Variants in LMBRD1 observed in about 807,000 individuals in gnomAD.
The protein encoded by LMBRD1 is LMBR1 domain containing 1, also known as lysosomal cobalamin transport escort protein LMBD1.
In LMBRD1, 64 loss-of-function variants were observed where a neutral mutation model predicts 74.8. The ratio of observed to expected loss-of-function variants is 0.86; its 90% confidence interval spans 0.70 to 1.05. The LOEUF is 1.05. Ranked by LOEUF, LMBRD1 falls within the 50% of genes least tolerant of loss-of-function variation. The probability of loss-of-function intolerance (pLI) is 0.00; values close to 1 mark genes in which losing one functional copy is unlikely to be tolerated. For missense variants in LMBRD1, 652 were observed against 645.9 expected (o/e 1.01, Z -0.10); for synonymous variants, 204 against 216.3 (o/e 0.94, Z 0.50).
chr6:69,712,524 T>C (rs1252645938), intron 9 of LMBRD1, among the ~76,000 whole-genome samples: 1 of 151,768 alleles, frequency 6.6e-6, no homozygotes, highest in Non-Finnish European at 1.5e-5. Flanking sequence ...ATGTCACACA[T>C]ACATAATTGG....
At chr6:69,780,646 C>A in intron 2 of LMBRD1, 92 bp from the exon 3 acceptor site, 1 of 891,648 alleles carries the variant, frequency 1.1e-6, no homozygotes, top group Non-Finnish European at 1.9e-6. Context: ...ATATCACTTC[C>A]AAAATCTATC....
chr6:69,719,263 AT>A (rs1766562371), intron 7 of LMBRD1, among the ~76,000 whole-genome samples, 182 bp from the exon 8 acceptor site: 1 of 152,186 alleles, frequency 6.6e-6, no homozygotes, highest in Admixed American at 6.5e-5. Flanking sequence ...TTTATTTTGC[AT>A]TAAACAGAGT....
chr6:69,701,930 G>C lies in LMBRD1; in HGVS notation c.939C>G (p.Ile313Met). The C allele has an allele frequency of 6.2e-7, 1 of 1,600,972 alleles. No individual in the cohort carries two copies. Among genetic ancestry groups the C allele is most frequent in the Non-Finnish European group, 8.6e-7 (1 of 1,169,010 alleles). Residue 313 changes from isoleucine (I) to methionine (M), a missense_variant, in exon 10 of 16, where the codon ATC becomes ATG. This residue lies in a region of LMBRD1 where 598 missense variants were observed against 581.8 expected (regional missense o/e 1.03). Coordinates refer to ENST00000649934, the MANE Select transcript of LMBRD1 (RefSeq NM_018368.4). ...AAATTACAAACAGCAATGCAACTAAGATGAAAAATATTCCCCAGACGATCT... is the reference window on the plus strand; with the variant it reads ...AAATTACAAACAGCAATGCAACTAACATGAAAAATATTCCCCAGACGATCT... ...PLKIVWGIFF[I>M]LVALLFVISL...
intron 7 of LMBRD1, among the ~76,000 whole-genome samples, chr6:69,720,381 T>C (rs1270080809): frequency 1.3e-5 from 2 of 152,214 alleles, no homozygotes; most frequent in East Asian, 1.9e-4. Context: ...AAACATAAGT[T>C]AGTATTCTCA....
At chr6:69,701,042 C>A (rs912270367) in intron 11 of LMBRD1, among the ~76,000 whole-genome samples, 173 bp from the exon 12 acceptor site, 1 of 151,368 alleles carries the variant, frequency 6.6e-6, no homozygotes, top group South Asian at 2.1e-4. Context: ...CTAACAAGTA[C>A]CAAACTATTA....
intron 7 of LMBRD1, among the ~76,000 whole-genome samples, chr6:69,726,016 A>C (rs1766726659): frequency 6.6e-6 from 1 of 152,202 alleles, no homozygotes. Context: ...AAAATATATA[A>C]GGAGCTCAAA....
At chr6:69,692,397 T>C (rs1765906153) in intron 14 of LMBRD1, among the ~76,000 whole-genome samples, 1 of 152,168 alleles carries the variant, frequency 6.6e-6, no homozygotes, top group African/African-American at 2.4e-5. Context: ...CACTTTAATG[T>C]CCAAATAAGA....
intron 3 of LMBRD1, among the ~76,000 whole-genome samples, chr6:69,769,742 GTT>G (rs58498427): frequency 0.49 from 70,633 of 144,870 alleles, 17,332 homozygotes; most frequent in African/African-American, 0.61. Flanking sequence ...TTTTTTTAGT[GTT>G]TTTTTTTTTT....
chr6:69,793,355 G>C (rs1382149558), intron 1 of LMBRD1, among the ~76,000 whole-genome samples: 2 of 152,190 alleles, frequency 1.3e-5, no homozygotes, highest in Non-Finnish European at 2.9e-5. Context: ...AATGAGAATA[G>C]ATGACATACT....
chr6:69,756,371 A>C (rs1413397787), intron 3 of LMBRD1, among the ~76,000 whole-genome samples: 1 of 152,056 alleles, frequency 6.6e-6, no homozygotes, highest in Non-Finnish European at 1.5e-5. Context: ...TCAAAAAAAA[A>C]AAAAAGAAAA....
intron 3 of LMBRD1, among the ~76,000 whole-genome samples, chr6:69,772,674 G>A (rs1765600037): frequency 6.6e-6 from 1 of 152,096 alleles, no homozygotes; most frequent in Admixed American, 6.5e-5. Context: ...AGACAGGACA[G>A]AACTGTATCT....
At chr6:69,747,606 T>C (rs766275876) in intron 5 of LMBRD1, among the ~76,000 whole-genome samples, 1 of 152,224 alleles carries the variant, frequency 6.6e-6, no homozygotes, top group African/African-American at 2.4e-5. Flanking sequence ...CCTGCTCCTC[T>C]ACCATCAACA....
chr6:69,747,569 T>A (rs1156236120), intron 5 of LMBRD1, among the ~76,000 whole-genome samples: 1 of 152,218 alleles, frequency 6.6e-6, no homozygotes, highest in Non-Finnish European at 1.5e-5. Context: ...CTCTTAGATC[T>A]CCTGATTCTG....
intron 3 of LMBRD1, among the ~76,000 whole-genome samples, chr6:69,778,412 G>T (rs1169449578): frequency 6.6e-6 from 1 of 152,166 alleles, no homozygotes; most frequent in African/African-American, 2.4e-5. Flanking sequence ...ATTCTTTTCT[G>T]TGGGCTTAAT....
intron 7 of LMBRD1, among the ~76,000 whole-genome samples, chr6:69,733,890 T>C (rs562209542): frequency 1.3e-5 from 2 of 152,366 alleles, no homozygotes; most frequent in African/African-American, 2.4e-5. Context: ...GTTTGAACCA[T>C]ATGAAACTGT....
At chr6:69,678,163 G>A (rs139435533) in intron 14 of LMBRD1, among the ~76,000 whole-genome samples, 1 of 152,174 alleles carries the variant, frequency 6.6e-6, no homozygotes, top group Non-Finnish European at 1.5e-5. Context: ...TGTATGTTAT[G>A]TATATTACAT....
intron 3 of LMBRD1, among the ~76,000 whole-genome samples, chr6:69,764,328 CCTCACT>C (rs939109617): frequency 1.5e-5 from 2 of 131,256 alleles, no homozygotes; most frequent in African/African-American, 5.2e-5. Flanking sequence ...TAGATCGTTA[CCTCACT>C]CTCTCTCTCT....
At chr6:69,786,555 A>G (rs1379406645) in intron 2 of LMBRD1, among the ~76,000 whole-genome samples, 16 of 151,886 alleles carry the variant, frequency 1.1e-4, no homozygotes, top group Admixed American at 1.0e-3. Context: ...GCCAACTATC[A>G]AAGACTGTTA....
intron 3 of LMBRD1, among the ~76,000 whole-genome samples, chr6:69,778,592 T>C (rs932875656): frequency 1.3e-5 from 2 of 152,204 alleles, no homozygotes; most frequent in Admixed American, 6.5e-5. Context: ...TCTCAACATA[T>C]GTTCTACAGA....
Sources: gnomAD v4.1 joint callset for allele counts (sites outside exome capture counted in the v4.1 genomes callset) on GRCh38, gnomAD v4.1.1 for gene constraint, gnomAD v4.1.1 regional missense constraint, MANE v1.5 for transcripts, NCBI Gene and HGNC (gene_info 2026-07-23, HGNC 2026-07-21) for gene names.